ESRP1: variants seen among roughly 807,000 people sequenced by gnomAD.
ESRP1 encodes RNA-binding motif protein 35A.
ESRP1 carries 33 observed loss-of-function variants against 81.7 expected under a neutral mutation model. The observed-to-expected ratio is 0.40, with a 90% CI of 0.31 to 0.54. The LOEUF is 0.54. Among genes scored for constraint, ESRP1 ranks in the 20% least tolerant of loss-of-function variants. The pLI is 0.41. For missense variants in ESRP1, 672 were observed against 833.1 expected (o/e 0.81, Z 2.38); for synonymous variants, 320 against 303.3 (o/e 1.06, Z -0.57).
chr8:94,664,634 G>A, intron 6 of ESRP1, 63 bp from the exon 7 acceptor site: 2 of 1,151,446 alleles, frequency 1.7e-6, no homozygotes, highest in East Asian at 2.3e-5. Context: ...GTCTTGCAGG[G>A]GGTAATAGGT....
rs1254115211 is a variant in ESRP1 at position 94,674,489 on chromosome 8, C to T, written c.1634C>T (p.Pro545Leu). Residue 545 changes from proline (P) to leucine (L), a missense_variant, in exon 12 of 16, where the codon CCG (proline) becomes CTG (leucine). Pro to Leu is a moderately conservative substitution (Grantham distance 98). Coordinates refer to ENST00000433389, the MANE Select transcript of ESRP1 (RefSeq NM_017697.4). ...GTLNRNGLSP[P>L]PCKLPCLSPP... Reference sequence around the variant, plus strand: ...TTAAATCGAAATGGCTTATCCCCACCGCCATGTAAGTTACCATGTAAGTTT... The same window carrying T: ...TTAAATCGAAATGGCTTATCCCCACTGCCATGTAAGTTACCATGTAAGTTT... 1.2e-6 allele frequency: 2 copies of T among 1,613,314 alleles called. No individual in the cohort carries two copies. Among genetic ancestry groups the T allele is most frequent in the Non-Finnish European group, 1.7e-6 (2 of 1,179,604 alleles).
chr8:94,644,286 C>T (rs1348017082), intron 3 of ESRP1, among the ~76,000 whole-genome samples: 1 of 151,926 alleles, frequency 6.6e-6, no homozygotes, highest in African/African-American at 2.4e-5. Flanking sequence ...AGGCAGGCAC[C>T]GAGCTTGAAA....
chr8:94,689,236 G>A (rs2554400), intron 13 of ESRP1, among the ~76,000 whole-genome samples: 66,203 of 135,372 alleles, frequency 0.49, 17,073 homozygotes, highest in East Asian at 0.76. Context: ...GGGTGATAGC[G>A]AGACTCAGTC....
At chr8:94,660,281 G>A (rs1394192025) in intron 4 of ESRP1, among the ~76,000 whole-genome samples, 5 of 152,118 alleles carry the variant, frequency 3.3e-5, no homozygotes, top group South Asian at 2.1e-4. Flanking sequence ...GTCATTAACC[G>A]TCCTAAAAAT....
At position 94,664,141 on chromosome 8, in the gene ESRP1, T is replaced by G. The variant is rs543060871; in HGVS notation, c.645-556T>G. Among the ~76,000 whole-genome samples, 753 of 124,532 alleles carry G rather than the reference T, an allele frequency of 6.0e-3. 4 individuals are homozygous for G. The highest frequency in any genetic ancestry group is 0.014 in the African/African-American group (504 of 37,100). 81.7% of individuals were successfully genotyped at this position (124,532 alleles called of 152,430 possible). A position where few individuals can be genotyped will look rare whatever the true frequency, so the allele number is the denominator to read the frequency against. On this transcript the variant is annotated intron_variant, in intron 6 of 15. Transcript: ENST00000433389. The stretch of plus-strand genomic sequence containing the variant: ...TCAGCTTTTTTTTTTTTTTTTTTTT[T>G]GAGAGGGAGTCTTGCTCTATTGCCC...
At chr8:94,652,421 T>C (rs1473542280) in intron 4 of ESRP1, among the ~76,000 whole-genome samples, 1 of 152,082 alleles carries the variant, frequency 6.6e-6, no homozygotes, top group Non-Finnish European at 1.5e-5. Context: ...TGTAAGCTTT[T>C]TACTTAATCA....
At position 94,683,397 on chromosome 8, in the gene ESRP1, C is replaced by A. The variant is rs550292541; in HGVS notation, c.1820+5026C>A. Among the ~76,000 whole-genome samples, 5 of 152,272 alleles carry A rather than the reference C, an allele frequency of 3.3e-5. No homozygotes were observed. The East Asian group carries it at 9.6e-4, about 29-fold the overall frequency. On this transcript the variant is annotated intron_variant, in intron 13 of 15. Transcript: ENST00000433389. ...GCTTACATTTCCTATTTTGAACTTGCTCTTCTTATTCCAGTTTACTTTTTT... is the reference window on the plus strand; with the variant it reads ...GCTTACATTTCCTATTTTGAACTTGATCTTCTTATTCCAGTTTACTTTTTT...
chr8:94,698,238 A>G (rs1476932560), intron 15 of ESRP1, among the ~76,000 whole-genome samples: 2 of 152,204 alleles, frequency 1.3e-5, no homozygotes, highest in Non-Finnish European at 1.5e-5. Context: ...AACATTCTGT[A>G]TACATGAAAC....
intron 13 of ESRP1, among the ~76,000 whole-genome samples, chr8:94,685,294 T>A (rs1809093307): frequency 1.3e-5 from 2 of 152,172 alleles, no homozygotes; most frequent in Non-Finnish European, 2.9e-5. Flanking sequence ...TTTATATGAT[T>A]TATTAGGCTA....
At chr8:94,644,667 A>G (rs1433494795) in intron 3 of ESRP1, among the ~76,000 whole-genome samples, 5 of 152,194 alleles carry the variant, frequency 3.3e-5, no homozygotes, top group Admixed American at 1.3e-4. Context: ...AGCTGTTTTC[A>G]TTATTTAGGT....
At chr8:94,665,100 G>C (rs1818953152) in intron 8 of ESRP1, 41 bp downstream of exon 8, 1 of 1,613,614 alleles carries the variant, frequency 6.2e-7, no homozygotes, top group African/African-American at 1.3e-5. Context: ...TCGTGAATGA[G>C]AATTAACATA....
At chr8:94,666,883 A>G (rs1369468075) in intron 9 of ESRP1, among the ~76,000 whole-genome samples, 1 of 152,156 alleles carries the variant, frequency 6.6e-6, no homozygotes, top group Non-Finnish European at 1.5e-5. Context: ...CTGGGATTTC[A>G]TTGTATATGG....
At chr8:94,654,421 T>C (rs1030754178) in intron 4 of ESRP1, among the ~76,000 whole-genome samples, 34 of 151,986 alleles carry the variant, frequency 2.2e-4, no homozygotes, top group African/African-American at 7.0e-4. Flanking sequence ...GAGTCTCCTT[T>C]TCCTAATTTG....
intron 4 of ESRP1, among the ~76,000 whole-genome samples, chr8:94,649,134 T>A (rs903323249): frequency 2.6e-5 from 4 of 152,196 alleles, no homozygotes; most frequent in Non-Finnish European, 5.9e-5. Context: ...GGCAGAAGAA[T>A]CACTTGAACC....
intron 13 of ESRP1, among the ~76,000 whole-genome samples, chr8:94,689,377 G>A (rs1030033124): frequency 6.7e-6 from 1 of 150,022 alleles, no homozygotes; most frequent in Non-Finnish European, 1.5e-5. Flanking sequence ...ACTTTTAAAT[G>A]TTTCTCTAAG....
In ESRP1 at chr8:94,678,362, A is replaced by G. The variant is rs1266342291; in HGVS notation, c.1811A>G (p.Tyr604Cys). The G allele has an allele frequency of 6.2e-7, 1 of 1,613,218 alleles. No individual in the cohort carries two copies. Among genetic ancestry groups the G allele is most frequent in the Non-Finnish European group, 8.5e-7 (1 of 1,179,628 alleles). ...GTQLFMNYTA[Y>C]YPSPPGSPNS... is the part of the protein sequence containing the mutation. ...CAGCTCTTCATGAATTACACAGCGT[A>G]CTATCCCAGGTAAGGCTCTGACAGA... The change falls in exon 13 of 16, where the codon TAC becomes TGC. Residue 604 changes from tyrosine (Y) to cysteine (C), a missense_variant. Tyr to Cys is a radical substitution (Grantham distance 194, BLOSUM62 -2). Coordinates refer to ENST00000433389, the MANE Select transcript of ESRP1 (RefSeq NM_017697.4).
chr8:94,643,476 T>A (rs1218514772), intron 3 of ESRP1, 60 bp downstream of exon 3: 1 of 1,175,734 alleles, frequency 8.5e-7, no homozygotes, highest in Non-Finnish European at 1.2e-6. Context: ...TGGAGGTTTT[T>A]AAAAATTTTT....
chr8:94,674,541 C>T (rs757456206), intron 12 of ESRP1, 35 bp downstream of exon 12: 2 of 1,582,110 alleles, frequency 1.3e-6, no homozygotes, highest in Non-Finnish European at 1.7e-6. Context: ...CTATTCTACG[C>T]TATATGCTGG....
At chr8:94,694,890 G>T (rs1809536457) in intron 14 of ESRP1, among the ~76,000 whole-genome samples, 1 of 152,186 alleles carries the variant, frequency 6.6e-6, no homozygotes. Flanking sequence ...GGAGCAGTGA[G>T]TTAGGATTAC....
Sources: gnomAD v4.1 joint callset for allele counts (sites outside exome capture counted in the v4.1 genomes callset) on GRCh38, gnomAD v4.1.1 for gene constraint, MANE v1.5 for transcripts, NCBI Gene and HGNC (gene_info 2026-07-23, HGNC 2026-07-21) for gene names.